The following ABCC1 variants were observed in gnomAD, a reference collection of about 807,000 sequenced individuals.
The protein encoded by ABCC1 is ATP binding cassette subfamily C member 1 (ABCC1 blood group).
A neutral mutation model predicts 172.9 loss-of-function variants in ABCC1; 83 were observed. That is an observed-to-expected ratio of 0.48 (90% confidence interval 0.40 to 0.58). The LOEUF (loss-of-function observed/expected upper bound fraction) is 0.58. Ranked by LOEUF, ABCC1 falls within the 20% of genes least tolerant of loss-of-function variation. The pLI, the probability that ABCC1 is intolerant of heterozygous loss-of-function variation, is 0.00. For missense variants in ABCC1, 1,817 were observed against 2,002.7 expected (o/e 0.91, Z 1.77); for synonymous variants, 937 against 825.2 (o/e 1.14, Z -2.32).
chr16:15,954,874 A>G (rs949459688), intron 1 of ABCC1, among the ~76,000 whole-genome samples: 13 of 152,112 alleles, frequency 8.5e-5, no homozygotes, highest in African/African-American at 1.2e-4. Context: ...CCCACTGACC[A>G]TGTTCCTAAA....
chr16:15,966,383 G>C (rs1369309833), intron 1 of ABCC1, among the ~76,000 whole-genome samples: 1 of 148,070 alleles, frequency 6.8e-6, no homozygotes, highest in East Asian at 2.0e-4. Flanking sequence ...CTGCACTCCA[G>C]CCTGGGTGAC....
rs1943830339 is a variant in ABCC1 at position 16,106,732 on chromosome 16, C to T, written c.2736-6C>T. ...CGGTTGACACCCTTGTGCTTTGCTT[C>T]TCCAGACAGCTCAGCAGCTCCTCCT... On this transcript the variant is annotated splice_polypyrimidine_tract_variant and splice_region_variant and intron_variant, in intron 20 of 30. Coordinates refer to ENST00000399410, the MANE Select transcript of ABCC1 (RefSeq NM_004996.4). The T allele has an allele frequency of 1.2e-6, 2 of 1,613,990 alleles. No homozygotes were observed. The highest frequency in any genetic ancestry group is 1.7e-6 in the Non-Finnish European group (2 of 1,180,036).
chr16:16,117,827 A>C (rs1415819124), intron 23 of ABCC1, among the ~76,000 whole-genome samples: 1 of 152,050 alleles, frequency 6.6e-6, no homozygotes, highest in Non-Finnish European at 1.5e-5. Flanking sequence ...AATTGCTTGA[A>C]CCTGGGAGGT....
chr16:16,055,422 C>T (rs961724765), intron 11 of ABCC1, among the ~76,000 whole-genome samples: 1 of 151,222 alleles, frequency 6.6e-6, no homozygotes, highest in African/African-American at 2.4e-5. Context: ...TGGTGGCAGG[C>T]GTTTATAGTC....
intron 12 of ABCC1, among the ~76,000 whole-genome samples, chr16:16,060,641 T>C (rs40427): frequency 0.48 from 72,095 of 151,458 alleles, 19,128 homozygotes; most frequent in African/African-American, 0.74. Flanking sequence ...CCTGCCTCAG[T>C]CCCCCGACTA....
At chr16:16,076,549 A>G (rs559150953) in intron 15 of ABCC1, 148 bp downstream of exon 15, 22 of 700,394 alleles carry the variant, frequency 3.1e-5, no homozygotes, top group African/African-American at 2.9e-4. Context: ...CATCTGGACA[A>G]TGGGTGCAGA....
At chr16:16,025,931 G>T (rs1317680080) in intron 5 of ABCC1, among the ~76,000 whole-genome samples, 4 of 152,186 alleles carry the variant, frequency 2.6e-5, no homozygotes, top group African/African-American at 4.8e-5. Flanking sequence ...AGTGTCTGAG[G>T]CTGGGAAACC....
intron 23 of ABCC1, among the ~76,000 whole-genome samples, chr16:16,120,789 C>T (rs1403946007): frequency 1.3e-5 from 2 of 151,942 alleles, no homozygotes; most frequent in South Asian, 2.1e-4. Flanking sequence ...ACTCTAACAG[C>T]GCTGGGAGGC....
chr16:16,059,778 T>A (rs2049826922), intron 12 of ABCC1, among the ~76,000 whole-genome samples: 1 of 151,962 alleles, frequency 6.6e-6, no homozygotes, highest in South Asian at 2.1e-4. Flanking sequence ...CACTCCTGGC[T>A]GGGCAACAGA....
intron 1 of ABCC1, among the ~76,000 whole-genome samples, chr16:15,990,713 G>A (rs547662698): frequency 2.6e-5 from 4 of 151,508 alleles, no homozygotes; most frequent in South Asian, 2.1e-4. Flanking sequence ...GCAGTGGCAC[G>A]ATCTCGGCTC....
chr16:16,059,829 G>GC (rs960357786), intron 12 of ABCC1, among the ~76,000 whole-genome samples: 1 of 125,770 alleles, frequency 8.0e-6, no homozygotes, highest in African/African-American at 3.0e-5. Flanking sequence ...CCCCCTCCCA[G>GC]CCCCCCACAA....
intron 1 of ABCC1, among the ~76,000 whole-genome samples, chr16:15,986,038 G>A (rs1335731883): frequency 6.6e-6 from 1 of 151,892 alleles, no homozygotes; most frequent in African/African-American, 2.4e-5. Context: ...AGGTTCAAGT[G>A]ATTCTCCTGC....
intron 24 of ABCC1, among the ~76,000 whole-genome samples, chr16:16,124,000 A>G (rs1452770751): frequency 6.6e-6 from 1 of 152,248 alleles, no homozygotes; most frequent in Non-Finnish European, 1.5e-5. Context: ...CCTGGATGGC[A>G]GAGTAAGACC....
At chr16:16,087,960 A>G (rs969424974) in intron 18 of ABCC1, among the ~76,000 whole-genome samples, 1 of 152,244 alleles carries the variant, frequency 6.6e-6, no homozygotes, top group Non-Finnish European at 1.5e-5. Flanking sequence ...ATCGTGCTAC[A>G]TGACCTCTTG....
chr16:16,099,849 C>A (rs1020928427), intron 19 of ABCC1, among the ~76,000 whole-genome samples: 1 of 152,114 alleles, frequency 6.6e-6, no homozygotes, highest in Non-Finnish European at 1.5e-5. Context: ...TCTGGGAGGC[C>A]GAGGTGGGTG....
chr16:16,057,423 C>T (rs2151918772), intron 12 of ABCC1, among the ~76,000 whole-genome samples: 1 of 151,562 alleles, frequency 6.6e-6, no homozygotes, highest in African/African-American at 2.4e-5. Flanking sequence ...CTGCTTTTCC[C>T]CCACTAGGAT....
chr16:16,073,715 C>CAG (rs2050442487), intron 14 of ABCC1, among the ~76,000 whole-genome samples: 1 of 152,144 alleles, frequency 6.6e-6, no homozygotes, highest in Non-Finnish European at 1.5e-5. Context: ...TATGATCATG[C>CAG]CACTGTACTC....
Position 15,989,850 on chromosome 16 carries a change from C to T in ABCC1, c.49-17966C>T, listed in dbSNP as rs185619554. On this transcript the variant is annotated intron_variant, in intron 1 of 30. Coordinates refer to ENST00000399410, the MANE Select transcript of ABCC1 (RefSeq NM_004996.4). Reference sequence around the variant, plus strand: ...TGAACGCAGTGCCTGGTATGCAGTCCGTGCTTAGACAGGGCTCTGGTTTTA... The same window carrying T: ...TGAACGCAGTGCCTGGTATGCAGTCTGTGCTTAGACAGGGCTCTGGTTTTA... Among the ~76,000 whole-genome samples the T allele has an allele frequency of 3.2e-3, 481 of 152,180 alleles. 1 individual carries two copies. The highest frequency in any genetic ancestry group is 0.011 in the African/African-American group (448 of 41,520).
chr16:16,069,881 A>G (rs2050268738), intron 13 of ABCC1, among the ~76,000 whole-genome samples: 1 of 152,210 alleles, frequency 6.6e-6, no homozygotes, highest in Non-Finnish European at 1.5e-5. Context: ...AAAATTAGCC[A>G]GATGTATTGG....
Sources: gnomAD v4.1 joint callset for allele counts (sites outside exome capture counted in the v4.1 genomes callset) on GRCh38, gnomAD v4.1.1 for gene constraint, MANE v1.5 for transcripts, NCBI Gene and HGNC (gene_info 2026-07-23, HGNC 2026-07-21) for gene names.